Variants in CEP63 observed in about 807,000 individuals in gnomAD.
CEP63 encodes centrosomal protein of 63 kDa.
CEP63 carries 84 observed loss-of-function variants against 89.1 expected under a neutral mutation model. That is an observed-to-expected ratio of 0.94 (90% CI 0.79 to 1.13). The LOEUF (loss-of-function observed/expected upper bound fraction) is 1.13, where lower values mean the gene tolerates loss of function less well. Among genes scored for constraint, CEP63 ranks in the 50% most tolerant of loss-of-function variants. The pLI is 0.00. For synonymous variants in CEP63, 267 were observed against 272.5 expected (o/e 0.98, Z 0.20); for missense variants, 838 against 813.3 (o/e 1.03, Z -0.37).
chr3:134,588,290 AAAAT>A (rs571203909), downstream of CEP63, among the ~76,000 whole-genome samples: 15 of 152,206 alleles, frequency 9.9e-5, no homozygotes, highest in Non-Finnish European at 2.1e-4. Flanking sequence ...CTCTATCTCA[AAAAT>A]AAATAAATAA....
intron 3 of CEP63, 43 bp downstream of exon 3, chr3:134,507,329 G>T: frequency 2.1e-6 from 3 of 1,404,972 alleles, no homozygotes; most frequent in Non-Finnish European, 2.0e-6. Flanking sequence ...TTTTTATCTT[G>T]TCTTTTATAT....
chr3:134,559,024 AG>A, intron 13 of CEP63, 125 bp from the exon 14 acceptor site: 1 of 876,870 alleles, frequency 1.1e-6, no homozygotes, highest in Non-Finnish European at 1.8e-6. Flanking sequence ...TGATCTGAGT[AG>A]GTTGCTCATT....
intron 10 of CEP63, among the ~76,000 whole-genome samples, chr3:134,586,176 C>T (rs1403851667): frequency 2.6e-5 from 4 of 152,132 alleles, no homozygotes; most frequent in Admixed American, 2.6e-4. Flanking sequence ...TTAATTGGGG[C>T]ATTTAGCCCA....
At chr3:134,760,249 C>T in the CEP63 span, among the ~76,000 whole-genome samples, 3 of 151,804 alleles carry the variant, frequency 2.0e-5, no homozygotes, top group African/African-American at 7.3e-5. Flanking sequence ...TTAGTAGAGA[C>T]GGGGTTTCAC....
chr3:134,546,086 T>G, intron 7 of CEP63, 63 bp from the exon 8 acceptor site: 1 of 1,562,456 alleles, frequency 6.4e-7, no homozygotes, highest in Non-Finnish European at 8.7e-7. Flanking sequence ...TTTCTGAGTA[T>G]TTTGCAGGTT....
At chr3:134,659,277 C>T in the CEP63 span, among the ~76,000 whole-genome samples, 3 of 152,222 alleles carry the variant, frequency 2.0e-5, no homozygotes, top group African/African-American at 4.8e-5. Context: ...TATTGAAATG[C>T]CCCTTGCATA....
chr3:134,592,013 A>G (rs991687095), downstream of CEP63, among the ~76,000 whole-genome samples: 14 of 152,138 alleles, frequency 9.2e-5, no homozygotes, highest in South Asian at 6.2e-4. Context: ...TGACCTTACA[A>G]TTTTTCAGGG....
the CEP63 span, among the ~76,000 whole-genome samples, chr3:134,674,308 A>G: frequency 6.6e-6 from 1 of 152,242 alleles, no homozygotes; most frequent in Non-Finnish European, 1.5e-5. Flanking sequence ...AACAACTGAA[A>G]TATACCATAT....
At chr3:134,627,517 T>C in the CEP63 span, among the ~76,000 whole-genome samples, 1 of 152,240 alleles carries the variant, frequency 6.6e-6, no homozygotes, top group African/African-American at 2.4e-5. Context: ...TGCCTTGTTA[T>C]TGGTGGGGTT....
chr3:134,548,448 A>G (rs1954080263), intron 9 of CEP63, among the ~76,000 whole-genome samples: 1 of 152,198 alleles, frequency 6.6e-6, no homozygotes, highest in Non-Finnish European at 1.5e-5. Flanking sequence ...TGTCGTACTT[A>G]TAGAATTTTT....
the CEP63 span, among the ~76,000 whole-genome samples, chr3:134,632,164 A>G: frequency 1.3e-5 from 2 of 152,138 alleles, no homozygotes; most frequent in Non-Finnish European, 2.9e-5. Context: ...ATCTACAATT[A>G]TAGTTCGAGA....
At chr3:134,572,200 G>A (rs1958036671) in intron 11 of CEP63, among the ~76,000 whole-genome samples, 1 of 152,322 alleles carries the variant, frequency 6.6e-6, no homozygotes, top group African/African-American at 2.4e-5. Context: ...ACAGGAGGCA[G>A]TATTTGTGCT....
chr3:134,513,688 T>G (rs143276989), intron 3 of CEP63, among the ~76,000 whole-genome samples: 3 of 152,100 alleles, frequency 2.0e-5, no homozygotes, highest in African/African-American at 4.8e-5. Context: ...TCTGAACGCC[T>G]CCTCAGTTTG....
the CEP63 span, chr3:134,651,743 T>A: frequency 0.28 from 125,828 of 449,546 alleles, 17,878 homozygotes; most frequent in African/African-American, 0.29. Context: ...GCTCCTGCCC[T>A]GTGGGGAAGG....
At chr3:134,651,918 C>T in the CEP63 span, among the ~76,000 whole-genome samples, 2 of 152,182 alleles carry the variant, frequency 1.3e-5, no homozygotes, top group African/African-American at 2.4e-5. Flanking sequence ...ACTACGGGCC[C>T]ACCCTGCTGG....
At chr3:134,599,784 G>A in the CEP63 span, among the ~76,000 whole-genome samples, 9 of 152,112 alleles carry the variant, frequency 5.9e-5, no homozygotes, top group Non-Finnish European at 8.8e-5. Context: ...CATTCCATTC[G>A]CATCTCACCG....
the CEP63 span, among the ~76,000 whole-genome samples, chr3:134,649,805 G>A: frequency 6.6e-6 from 1 of 152,220 alleles, no homozygotes; most frequent in Non-Finnish European, 1.5e-5. Flanking sequence ...CAAGGCAGGT[G>A]GAAGGTGGAT....
In CEP63 at chr3:134,545,572, G is replaced by T. The variant is rs781033914; in HGVS notation, c.556-14G>T. The T allele has an allele frequency of 3.2e-6, 5 of 1,566,072 alleles. No homozygotes were observed. Among genetic ancestry groups the T allele is most frequent in the Non-Finnish European group, 4.4e-6 (5 of 1,136,336 alleles). The stretch of plus-strand genomic sequence containing the variant: ...TTTCCCTTTTACCTATTGATTGATA[G>T]TCTGTGTTTCTAGGCTCAGCTTGTC... On this transcript the variant is annotated splice_polypyrimidine_tract_variant and intron_variant, in intron 6 of 14. Transcript: ENST00000675561.
the CEP63 span, among the ~76,000 whole-genome samples, chr3:134,625,374 C>T: frequency 6.6e-6 from 1 of 152,220 alleles, no homozygotes; most frequent in African/African-American, 2.4e-5. Context: ...GGAACATACG[C>T]CTATTGTAGA....
Sources: allele counts gnomAD v4.1 joint callset (sites outside exome capture counted in the v4.1 genomes callset), GRCh38; gene constraint gnomAD v4.1.1; transcripts MANE v1.5; gene names NCBI Gene and HGNC (gene_info 2026-07-23, HGNC 2026-07-21).